Variants in MACROD2 observed in about 807,000 individuals in gnomAD.
MACROD2 encodes ADP-ribose glycohydrolase MACROD2.
In MACROD2, 36 loss-of-function variants were observed where a neutral mutation model predicts 70.4. The ratio of observed to expected loss-of-function variants is 0.51; its 90% CI spans 0.39 to 0.68. MACROD2 has a LOEUF of 0.68. Among genes scored for constraint, MACROD2 ranks in the 30% least tolerant of loss-of-function variants. The pLI, the probability that MACROD2 is intolerant of heterozygous loss-of-function variation, is 0.00. For synonymous variants in MACROD2, 172 were observed against 178.8 expected (o/e 0.96, Z 0.30); for missense variants, 496 against 538.4 (o/e 0.92, Z 0.78).
intron 4 of MACROD2, among the ~76,000 whole-genome samples, chr20:14,614,618 C>G (rs1983368440): frequency 6.6e-6 from 1 of 152,108 alleles, no homozygotes; most frequent in South Asian, 2.1e-4. Flanking sequence ...CAGTGCCTTA[C>G]TTGTAACTAA....
intron 3 of MACROD2, among the ~76,000 whole-genome samples, chr20:14,465,021 G>T (rs2084424729): frequency 1.3e-5 from 2 of 152,056 alleles, no homozygotes; most frequent in Admixed American, 6.6e-5. Context: ...GTTGATTTGG[G>T]GCGGAGAGTT....
In MACROD2 at chr20:15,251,483, A is replaced by G. The variant is rs182159057; in HGVS notation, c.540+21422A>G. Among the ~76,000 whole-genome samples the G allele has an allele frequency of 2.0e-5, 3 of 152,344 alleles. No homozygotes were observed. In the East Asian group the frequency reaches 5.8e-4, roughly 29 times the overall value. On this transcript the variant is annotated intron_variant, in intron 6 of 17. Transcript: ENST00000684519. ...GAGGCAGAAAATAACAACAGCAAAAAGCCCATAAAACAAATTGCATCCCCT... is the reference window on the plus strand; with the variant it reads ...GAGGCAGAAAATAACAACAGCAAAAGGCCCATAAAACAAATTGCATCCCCT...
intron 8 of MACROD2, among the ~76,000 whole-genome samples, chr20:15,573,971 G>A (rs1568902177): frequency 6.6e-6 from 1 of 152,160 alleles, no homozygotes; most frequent in East Asian, 1.9e-4. Context: ...TCAGCTCAGT[G>A]TGATTTTGTG....
intron 8 of MACROD2, among the ~76,000 whole-genome samples, chr20:15,830,859 T>C (rs1437812314): frequency 6.6e-6 from 1 of 152,246 alleles, no homozygotes; most frequent in African/African-American, 2.4e-5. Context: ...TTATGTGTTA[T>C]AGATATGTAG....
At chr20:14,032,892 T>C (rs2053262010) in intron 2 of MACROD2, among the ~76,000 whole-genome samples, 1 of 152,172 alleles carries the variant, frequency 6.6e-6, no homozygotes, top group Non-Finnish European at 1.5e-5. Flanking sequence ...CATATAACTT[T>C]CTGATCTTTA....
At position 15,772,098 on chromosome 20, in the gene MACROD2, AAAAATAT is replaced by A. The variant is rs1228816650; in HGVS notation, c.646-90645_646-90639del. Among the ~76,000 whole-genome samples, 633 of 95,836 alleles carry A rather than the reference AAAAATAT, an allele frequency of 6.6e-3. 3 individuals are homozygous for A. Among genetic ancestry groups the A allele is most frequent in the African/African-American group, 0.029 (589 of 20,310 alleles). The allele number at this position is 95,836 out of a possible 152,430, so 62.9% of individuals were successfully genotyped here. On this transcript the variant is annotated intron_variant, in intron 8 of 17. Transcript: ENST00000684519. ...AGACTCGGTCTCAAAAAAAAAAAAA[AAAAATAT>A]ATATATATATATATATATATATATT...
chr20:14,337,590 GA>G, intron 3 of MACROD2: 1 of 398,548 alleles, frequency 2.5e-6, no homozygotes, highest in South Asian at 1.3e-4. Context: ...GTGAGCGAGG[GA>G]GAGCATTCCA....
At chr20:15,649,514 C>A (rs1340471297) in intron 8 of MACROD2, among the ~76,000 whole-genome samples, 1 of 152,080 alleles carries the variant, frequency 6.6e-6, no homozygotes, top group African/African-American at 2.4e-5. Context: ...AGCCTCAACT[C>A]TCACTGTCCA....
chr20:14,743,001 C>A (rs1051627730), intron 5 of MACROD2, among the ~76,000 whole-genome samples: 3 of 151,922 alleles, frequency 2.0e-5, no homozygotes, highest in Non-Finnish European at 2.9e-5. Context: ...CTCCTGACCT[C>A]GTGATCCGCC....
intron 2 of MACROD2, among the ~76,000 whole-genome samples, chr20:14,080,829 A>G (rs2053984281): frequency 3.9e-5 from 6 of 152,288 alleles, no homozygotes; most frequent in Admixed American, 3.9e-4. Flanking sequence ...CACCTTCCTC[A>G]CTTGGCATCA....
chr20:15,040,302 G>A (rs1228022943), intron 5 of MACROD2, among the ~76,000 whole-genome samples: 1 of 144,150 alleles, frequency 6.9e-6, no homozygotes, highest in African/African-American at 2.7e-5. Flanking sequence ...GCGACAGAGC[G>A]AGACTCCGTC....
At chr20:15,769,340 T>C (rs2051584038) in intron 8 of MACROD2, among the ~76,000 whole-genome samples, 1 of 151,884 alleles carries the variant, frequency 6.6e-6, no homozygotes, top group Non-Finnish European at 1.5e-5. Flanking sequence ...ACAGACAGGG[T>C]TTCTCCATGT....
At chr20:14,913,754 T>C (rs1325065568) in intron 5 of MACROD2, among the ~76,000 whole-genome samples, 1 of 152,182 alleles carries the variant, frequency 6.6e-6, no homozygotes, top group Non-Finnish European at 1.5e-5. Flanking sequence ...CCTTCCCAGC[T>C]GCCCTACCCC....
At chr20:14,768,676 G>A (rs1307998245) in intron 5 of MACROD2, among the ~76,000 whole-genome samples, 1 of 151,908 alleles carries the variant, frequency 6.6e-6, no homozygotes, top group African/African-American at 2.4e-5. Flanking sequence ...GAGGGCAGTG[G>A]TGTGATCTCG....
intron 5 of MACROD2, among the ~76,000 whole-genome samples, chr20:15,138,302 A>T (rs17358595): frequency 0.21 from 32,096 of 152,072 alleles, 4,648 homozygotes; most frequent in Non-Finnish European, 0.32. Flanking sequence ...TGAGAAAGGC[A>T]ATATTCCACA....
At chr20:15,230,662 A>G (rs2076952309) in intron 6 of MACROD2, among the ~76,000 whole-genome samples, 1 of 152,142 alleles carries the variant, frequency 6.6e-6, no homozygotes, top group Non-Finnish European at 1.5e-5. Context: ...TTTTATCAGT[A>G]GACAAAGGGA....
At chr20:15,502,946 T>A (rs931524939) in intron 8 of MACROD2, among the ~76,000 whole-genome samples, 1 of 152,202 alleles carries the variant, frequency 6.6e-6, no homozygotes, top group African/African-American at 2.4e-5. Flanking sequence ...ATCAATTCCC[T>A]TGTAGAAATG....
chr20:14,376,624 C>T (rs2083373632), intron 3 of MACROD2, among the ~76,000 whole-genome samples: 1 of 151,992 alleles, frequency 6.6e-6, no homozygotes, highest in Non-Finnish European at 1.5e-5. Flanking sequence ...GTGGCATGTG[C>T]CTATAGTCCC....
chr20:14,464,230 C>T (rs1199553574), intron 3 of MACROD2, among the ~76,000 whole-genome samples: 2 of 152,112 alleles, frequency 1.3e-5, no homozygotes, highest in Non-Finnish European at 2.9e-5. Context: ...TTGGTCTATT[C>T]AGAGATTCAA....
Sources: allele counts gnomAD v4.1 joint callset (sites outside exome capture counted in the v4.1 genomes callset), GRCh38; gene constraint gnomAD v4.1.1; transcripts MANE v1.5; gene names NCBI Gene and HGNC (gene_info 2026-07-23, HGNC 2026-07-21).